The following IRF7 variants were observed in gnomAD, a reference collection of about 807,000 sequenced individuals.
The protein encoded by IRF7 is interferon regulatory factor-7H.
A neutral mutation model predicts 51.3 loss-of-function variants in IRF7; 67 were observed. The observed-to-expected ratio is 1.31, with a 90% confidence interval of 1.07 to 1.60. IRF7 has a LOEUF of 1.60. Among genes scored for constraint, IRF7 ranks in the 40% most tolerant of loss-of-function variants. The pLI is 0.00. For missense variants in IRF7, 873 were observed against 701.5 expected (o/e 1.24, Z -2.76); for synonymous variants, 427 against 301.3 (o/e 1.42, Z -4.32).
In IRF7 at chr11:615,023, G is replaced by A. The variant is rs1856749350; in HGVS notation, c.184-16C>T. The A allele has an allele frequency of 6.5e-7, 1 of 1,546,656 alleles. No individual in the cohort carries two copies. The highest frequency in any genetic ancestry group is 1.4e-5 in the African/African-American group (1 of 73,966). ...CAGCCCAGGCCTGAAGAGGGGGACA[G>A]AACACGTGTGCCGGGCCCGCGGGGT... On this transcript the variant is annotated splice_polypyrimidine_tract_variant and intron_variant, in intron 3 of 10. Coordinates refer to ENST00000525445, the MANE Select transcript of IRF7 (RefSeq NM_001572.5).
chr11:614,369 T>A lies in IRF7; in HGVS notation c.484A>T (p.Thr162Ser). Reference protein sequence around the residue: ...GGPPGPFLAHTHAGLQAPGPL... With the variant: ...GGPPGPFLAHSHAGLQAPGPL... ...CCTGGGGCTTGGAGTCCAGCATGTG[T>A]GTGTGCCAGGAATGGCCCTGGGGGC... The change falls in exon 6 of 11, where the codon ACA becomes TCA. Residue 162 changes from threonine (T) to serine (S), a missense_variant. Physicochemically the swap from Thr to Ser is moderately conservative, Grantham distance 58. Coordinates refer to ENST00000525445, the MANE Select transcript of IRF7 (RefSeq NM_001572.5). 1 of 1,608,864 alleles carries A rather than the reference T, an allele frequency of 6.2e-7. No homozygotes were observed. Among genetic ancestry groups the A allele is most frequent in the Non-Finnish European group, 8.5e-7 (1 of 1,178,520 alleles).
Position 613,528 on chromosome 11 carries a change from C to CA in IRF7, c.914dup (p.His307ThrfsTer95). 6.4e-7 allele frequency: 1 copy of CA among 1,569,292 alleles called. No individual in the cohort carries two copies. Among genetic ancestry groups the CA allele is most frequent in the Non-Finnish European group, 8.6e-7 (1 of 1,159,604 alleles). On this transcript the variant is annotated frameshift_variant, in exon 9 of 11. Transcript: ENST00000525445. LOFTEE classifies it high-confidence loss of function. ...ATAGGAACGTGCAGCTCGGGTGTCCCACCACCTTCTGCAGCACCGTGCGGC... is the reference window on the plus strand; with the variant it reads ...ATAGGAACGTGCAGCTCGGGTGTCCCAACCACCTTCTGCAGCACCGTGCGGC...
intron 4 of IRF7, 84 bp downstream of exon 4, chr11:614,713 A>G (rs1279816121): frequency 4.8e-6 from 7 of 1,455,350 alleles, no homozygotes; most frequent in African/African-American, 4.2e-5. Context: ...AACAGCTTCT[A>G]AAACCACAAA....
chr11:615,277 C>A lies in IRF7; in HGVS notation c.21-18G>T. 1 of 1,580,352 alleles carries A rather than the reference C, an allele frequency of 6.3e-7. No homozygotes were observed. Among genetic ancestry groups the A allele is most frequent in the East Asian group, 2.3e-5 (1 of 43,712 alleles). ...GGGCTGCCCTGCGGGTGCCCGGCCGCGGAGAGTCAGGGCCGGCTGCAGGGC... is the reference window on the plus strand; with the variant it reads ...GGGCTGCCCTGCGGGTGCCCGGCCGAGGAGAGTCAGGGCCGGCTGCAGGGC... On this transcript the variant is annotated intron_variant, in intron 2 of 10. Transcript: ENST00000525445.
Position 615,008 on chromosome 11 carries a change from C to T in IRF7, c.184-1G>A. The stretch of plus-strand genomic sequence containing the variant: ...ACCTGCCGCGGGCCACAGCCCAGGC[C>T]TGAAGAGGGGGACAGAACACGTGTG... On this transcript the variant is annotated splice_acceptor_variant, in intron 3 of 10. Transcript: ENST00000525445. LOFTEE classifies it high-confidence loss of function. 5.8e-6 allele frequency: 9 copies of T among 1,548,946 alleles called. No homozygotes were observed. The highest frequency in any genetic ancestry group is 7.8e-6 in the Non-Finnish European group (9 of 1,152,556).
chr11:614,953 G>C lies in IRF7; in HGVS notation c.238C>G (p.Pro80Ala). ...WPPSSRGGGP[P>A]PEAETAERAG... is the part of the protein sequence containing the mutation. ...CGCTCCGCAGTCTCAGCCTCGGGGG[G>C]CGGGCCACCTCCCCTGCTGCTAGGC... Residue 80 changes from proline (P) to alanine (A), a missense_variant, in exon 4 of 11, where the codon CCC (proline) becomes GCC (alanine). Coordinates refer to ENST00000525445, the MANE Select transcript of IRF7 (RefSeq NM_001572.5). The C allele has an allele frequency of 1.3e-6, 2 of 1,565,946 alleles. No individual in the cohort carries two copies. Among genetic ancestry groups the C allele is most frequent in the Non-Finnish European group, 1.7e-6 (2 of 1,159,168 alleles).
chr11:613,731 C>A (rs534955005), intron 8 of IRF7, 54 bp downstream of exon 8: 3 of 776,762 alleles, frequency 3.9e-6, no homozygotes, highest in Non-Finnish European at 4.9e-6. Context: ...GGGGACAAGC[C>A]GTGAGTGACG....
In IRF7 at chr11:613,538, T is replaced by G. The variant is rs767062572; in HGVS notation, c.905A>C (p.Gln302Pro). Reference protein sequence around the residue: ...TIMYKGRTVLQKVVGHPSCTF... With the variant: ...TIMYKGRTVLPKVVGHPSCTF... ...GCAGCTCGGGTGTCCCACCACCTTC[T>G]GCAGCACCGTGCGGCCCTTGTACAT... Residue 302 changes from glutamine to proline, a missense_variant, in exon 9 of 11, where the codon CAG becomes CCG. Physicochemically the swap from Gln to Pro is moderately conservative, Grantham distance 76 (BLOSUM62 -1). Transcript: ENST00000525445. The G allele has an allele frequency of 3.8e-6, 6 of 1,575,896 alleles. No individual in the cohort carries two copies. The highest frequency in any genetic ancestry group is 5.2e-6 in the Non-Finnish European group (6 of 1,162,652).
chr11:614,880 C>A lies in IRF7; in HGVS notation c.311G>T (p.Arg104Leu), dbSNP rs773728605. Residue 104 changes from arginine (R) to leucine (L), a missense_variant, in exon 4 of 11, where the codon CGC (arginine) becomes CTC (leucine). Transcript: ENST00000525445. ...CGAGTTATCCCGCAGCATCACGAAG[C>A]GACGCGTGCTGCGCAGTGCGCAGCG... Reference protein sequence around the residue: ...NFRCALRSTRRFVMLRDNSGD... With the variant: ...NFRCALRSTRLFVMLRDNSGD... 1 of 1,581,568 alleles carries A rather than the reference C, an allele frequency of 6.3e-7. No individual in the cohort carries two copies.
chr11:613,565 AT>A lies in IRF7; in HGVS notation c.877del (p.Ile293SerfsTer37). ...EPSPGALDVT[I>X]MYKGRTVLQK... Reference sequence around the variant, plus strand: ...CAGCACCGTGCGGCCCTTGTACATGATGGTCACGTCCAGCGCCCCTGGGCTG... The same window carrying A: ...CAGCACCGTGCGGCCCTTGTACATGAGGTCACGTCCAGCGCCCCTGGGCTG... On this transcript the variant is annotated frameshift_variant, in exon 9 of 11. Transcript: ENST00000525445. LOFTEE classifies it high-confidence loss of function. 2 of 1,572,984 alleles carry A rather than the reference AT, an allele frequency of 1.3e-6. No individual in the cohort carries two copies. Among genetic ancestry groups the A allele is most frequent in the Non-Finnish European group, 1.7e-6 (2 of 1,161,666 alleles).
rs1856786083 is a variant in IRF7 at position 615,395 on chromosome 11, G to A, written c.-31C>T. The A allele has an allele frequency of 1.3e-6, 2 of 1,484,090 alleles. No homozygotes were observed. The highest frequency in any genetic ancestry group is 1.4e-5 in the African/African-American group (1 of 71,396). The allele number at this position is 1,484,090 out of a possible 1,614,324, so 91.9% of individuals were successfully genotyped here. On this transcript the variant is annotated 5_prime_UTR_variant, in exon 2 of 11. Coordinates refer to ENST00000525445, the MANE Select transcript of IRF7 (RefSeq NM_001572.5). The stretch of plus-strand genomic sequence containing the variant: ...CTTCTGCAGGGGCAGTTAGGTGGCG[G>A]TCAGGTGTTATAACAGGGGAGGTAA...
Position 613,596 on chromosome 11 carries a change from C to T in IRF7, c.848-1G>A, listed in dbSNP as rs929200469. ...ACGTCCAGCGCCCCTGGGCTGGGCT[C>T]TGTGTGGAGACCAAGCTGTGAGTGA... On this transcript the variant is annotated splice_acceptor_variant, in intron 8 of 10. Transcript: ENST00000525445. LOFTEE classifies it high-confidence loss of function. 6.9e-7 allele frequency: 1 copy of T among 1,453,396 alleles called. No homozygotes were observed. Among genetic ancestry groups the T allele is most frequent in the African/African-American group, 1.5e-5 (1 of 68,540 alleles). 90.0% of individuals were successfully genotyped at this position (1,453,396 alleles called of 1,614,324 possible).
At position 613,892 on chromosome 11, in the gene IRF7, G is replaced by A. The variant is rs771968636; in HGVS notation, c.767-27C>T. On this transcript the variant is annotated intron_variant, in intron 7 of 10. Transcript: ENST00000525445. ...TGCATCCGGAAGGGAATCCTGTGCTGGCACCTCATCCCTAGCCTCTCCCTG... is the reference window on the plus strand; with the variant it reads ...TGCATCCGGAAGGGAATCCTGTGCTAGCACCTCATCCCTAGCCTCTCCCTG... 3 of 1,598,758 alleles carry A rather than the reference G, an allele frequency of 1.9e-6. No individual in the cohort carries two copies. The African/African-American group carries it at 4.0e-5, about 21-fold the overall frequency.
At chr11:614,446 A>G in intron 5 of IRF7, 30 bp downstream of exon 5, 1 of 1,576,310 alleles carries the variant, frequency 6.3e-7, no homozygotes, top group Non-Finnish European at 8.6e-7. Flanking sequence ...GCGGCCTGGC[A>G]GGAGGAGAGG....
Position 612,563 on chromosome 11 carries a change from A to G in IRF7, c.*82T>C, listed in dbSNP as rs1856486538. On this transcript the variant is annotated 3_prime_UTR_variant, in exon 11 of 11. Transcript: ENST00000525445. ...GCCAAGATGCCAGTACGTGTTCTGG[A>G]GTTCTTTTTATTAGACTGGGCGGCC... The G allele has an allele frequency of 2.0e-6, 3 of 1,504,058 alleles. No individual in the cohort carries two copies. Among genetic ancestry groups the G allele is most frequent in the East Asian group, 4.5e-5 (2 of 44,044 alleles). The allele number at this position is 1,504,058 out of a possible 1,614,324, so 93.2% of individuals were successfully genotyped here.
chr11:612,844 C>T (rs369310302), intron 10 of IRF7, 44 bp from the exon 11 acceptor site: 6 of 1,593,270 alleles, frequency 3.8e-6, no homozygotes, highest in Non-Finnish European at 4.3e-6. Context: ...CGGCGTGTGT[C>T]CTCCCCTCCC....
At position 613,950 on chromosome 11, in the gene IRF7, C is replaced by A; in HGVS notation, c.766+1G>T. ...GGCCTCCCAACCCCTACCCCTCTCA[C>A]CTGTCGTTAGTGCCGCGGGCTGGGG... On this transcript the variant is annotated splice_donor_variant, in intron 7 of 10. Transcript: ENST00000525445. LOFTEE classifies it high-confidence loss of function. 1.2e-6 allele frequency: 2 copies of A among 1,606,800 alleles called. No homozygotes were observed. The highest frequency in any genetic ancestry group is 2.2e-5 in the South Asian group (2 of 90,316).
chr11:614,787 C>A lies in IRF7; in HGVS notation c.394+10G>T. On this transcript the variant is annotated intron_variant, in intron 4 of 10. Transcript: ENST00000525445. ...GAATGCCAACGCCCTTGGCAGCCGG[C>A]GTCGCTCACCTCGCCAGCACAGCTC... 2 of 1,530,514 alleles carry A rather than the reference C, an allele frequency of 1.3e-6. No individual in the cohort carries two copies. The highest frequency in any genetic ancestry group is 1.8e-6 in the Non-Finnish European group (2 of 1,138,524). 94.8% of individuals were successfully genotyped at this position (1,530,514 alleles called of 1,614,324 possible). A position where few individuals can be genotyped will look rare whatever the true frequency, so the allele number is the denominator to read the frequency against.
chr11:612,632 A>G lies in IRF7; in HGVS notation c.*13T>C, dbSNP rs774288991. The stretch of plus-strand genomic sequence containing the variant: ...GCTGCTCCAGCTTTCTGGAGTTCTC[A>G]TTAGACTGGGTTCTAGGCGGGCTGC... On this transcript the variant is annotated 3_prime_UTR_variant, in exon 11 of 11. Transcript: ENST00000525445. 6.2e-7 allele frequency: 1 copy of G among 1,612,012 alleles called. No homozygotes were observed. Among genetic ancestry groups the G allele is most frequent in the South Asian group, 1.1e-5 (1 of 91,076 alleles).
Sources: gnomAD v4.1 joint callset for allele counts on GRCh38, gnomAD v4.1.1 for gene constraint, MANE v1.5 for transcripts, NCBI Gene and HGNC (gene_info 2026-07-23, HGNC 2026-07-21) for gene names.